Variants in PRELID2 observed in about 807,000 individuals in gnomAD.
PRELID2 encodes the protein PRELI domain containing 2.
A neutral mutation model predicts 28.4 loss-of-function variants in PRELID2; 25 were observed. The observed-to-expected ratio is 0.88, with a 90% CI of 0.64 to 1.23. The LOEUF (loss-of-function observed/expected upper bound fraction) is 1.23, where lower values mean the gene tolerates loss of function less well. Among genes scored for constraint, PRELID2 ranks in the 50% most tolerant of loss-of-function variants. The probability of loss-of-function intolerance (pLI) is 0.00; values close to 1 mark genes in which losing one functional copy is unlikely to be tolerated. For synonymous variants in PRELID2, 76 were observed against 71.6 expected, an observed-to-expected ratio of 1.06 and a Z score of -0.31; for missense variants, 201 against 214.4, an observed-to-expected ratio of 0.94 and a Z score of 0.39.
chr5:145,818,087 T>G, intron 3 of PRELID2, 33 bp from the exon 4 acceptor site: 8 of 1,604,138 alleles, frequency 5.0e-6, no homozygotes, highest in Non-Finnish European at 6.8e-6. Flanking sequence ...CTTTTTCAAT[T>G]TAGGAAGAGC....
At chr5:145,412,745 A>G in the PRELID2 span, among the ~76,000 whole-genome samples, 1 of 152,208 alleles carries the variant, frequency 6.6e-6, no homozygotes, top group Non-Finnish European at 1.5e-5. Flanking sequence ...TCAAACTGCT[A>G]TGAAGAAATA....
the PRELID2 span, among the ~76,000 whole-genome samples, chr5:145,394,967 G>A: frequency 1.3e-3 from 193 of 151,956 alleles, no homozygotes; most frequent in African/African-American, 2.0e-3. Flanking sequence ...CGTATTTTGG[G>A]TTTTCTCATC....
intron 1 of PRELID2, among the ~76,000 whole-genome samples, chr5:145,544,132 T>G (rs2126674818): frequency 6.6e-6 from 1 of 152,114 alleles, no homozygotes; most frequent in Admixed American, 6.6e-5. Context: ...GTCACACAGT[T>G]GTAGGCTGTA....
At chr5:145,556,399 T>C (rs2126687117) in intron 1 of PRELID2, among the ~76,000 whole-genome samples, 1 of 152,214 alleles carries the variant, frequency 6.6e-6, no homozygotes, top group South Asian at 2.1e-4. Context: ...TTTCACTCCC[T>C]CATCTCTCAC....
the PRELID2 span, among the ~76,000 whole-genome samples, chr5:145,361,616 G>T: frequency 3.2e-4 from 48 of 152,226 alleles, no homozygotes; most frequent in Non-Finnish European, 5.3e-4. Flanking sequence ...TCTGCAGAGG[G>T]CTATTTTTTA....
intron 1 of PRELID2, among the ~76,000 whole-genome samples, chr5:145,523,779 T>C (rs1354272108): frequency 1.3e-5 from 2 of 152,182 alleles, no homozygotes; most frequent in Non-Finnish European, 2.9e-5. Context: ...ACACAAATAT[T>C]CAACTCATAG....
chr5:145,813,892 T>C (rs1380585142), intron 4 of PRELID2, among the ~76,000 whole-genome samples: 2 of 152,304 alleles, frequency 1.3e-5, no homozygotes, highest in South Asian at 2.1e-4. Flanking sequence ...CTTTGCTCAA[T>C]CTACCTTAAA....
At chr5:145,575,851 T>C (rs1343947696) in intron 1 of PRELID2, among the ~76,000 whole-genome samples, 2 of 152,104 alleles carry the variant, frequency 1.3e-5, no homozygotes, top group Non-Finnish European at 2.9e-5. Flanking sequence ...CCAGCCCACC[T>C]TGCATCACTC....
chr5:145,535,973 G>T (rs1384866483), intron 1 of PRELID2, among the ~76,000 whole-genome samples: 1 of 151,834 alleles, frequency 6.6e-6, no homozygotes, highest in Non-Finnish European at 1.5e-5. Context: ...AATTTTAGGG[G>T]ATAAAATGGC....
At chr5:145,638,148 C>T (rs1754034034) in intron 1 of PRELID2, among the ~76,000 whole-genome samples, 1 of 152,188 alleles carries the variant, frequency 6.6e-6, no homozygotes, top group African/African-American at 2.4e-5. Context: ...TCAGTTTCCT[C>T]ATTGCTAGTA....
At chr5:145,325,514 T>C in the PRELID2 span, among the ~76,000 whole-genome samples, 1 of 152,188 alleles carries the variant, frequency 6.6e-6, no homozygotes, top group Non-Finnish European at 1.5e-5. Flanking sequence ...GCCTTAGAGT[T>C]TACAGAGTAT....
chr5:145,256,041 C>T, the PRELID2 span, among the ~76,000 whole-genome samples: 1 of 151,884 alleles, frequency 6.6e-6, no homozygotes, highest in Non-Finnish European at 1.5e-5. Flanking sequence ...GCTAAAACAA[C>T]ACAACTTACC....
At chr5:145,814,895 A>G (rs1035353391) in intron 4 of PRELID2, among the ~76,000 whole-genome samples, 4 of 152,330 alleles carry the variant, frequency 2.6e-5, no homozygotes, top group African/African-American at 9.6e-5. Flanking sequence ...GTTGTAAGGG[A>G]ATGAACACGC....
At chr5:145,357,293 G>T in the PRELID2 span, among the ~76,000 whole-genome samples, 2 of 152,114 alleles carry the variant, frequency 1.3e-5, no homozygotes, top group African/African-American at 4.8e-5. Context: ...CTCTAGTGAG[G>T]TTAAAGAAAT....
intron 5 of PRELID2, among the ~76,000 whole-genome samples, chr5:145,791,312 TTGGG>T (rs1752378309): frequency 6.6e-6 from 1 of 152,094 alleles, no homozygotes. Flanking sequence ...CACGTAAGAT[TTGGG>T]TGGGAACATA....
chr5:145,594,166 T>C (rs1449722510), intron 1 of PRELID2, among the ~76,000 whole-genome samples: 1 of 152,156 alleles, frequency 6.6e-6, no homozygotes, highest in Non-Finnish European at 1.5e-5. Flanking sequence ...TGATATTCTC[T>C]TGTATATGTT....
the PRELID2 span, among the ~76,000 whole-genome samples, chr5:145,374,475 A>G: frequency 2.0e-5 from 3 of 151,896 alleles, no homozygotes; most frequent in South Asian, 6.2e-4. Flanking sequence ...TGATCTTCTC[A>G]TGGAGTATCT....
Position 145,501,830 on chromosome 5 carries a change from T to A in PRELID2, n.71-28515A>T, listed in dbSNP as rs542418176. On this transcript the variant is annotated intron_variant and non_coding_transcript_variant, in intron 1 of 2. Coordinates refer to the PRELID2 transcript ENST00000510259. ...GCTCTCTGCCTCTTCTGAACTCCCATGAGATTCTATGTCCATAACCCTCTG... is the reference window on the plus strand; with the variant it reads ...GCTCTCTGCCTCTTCTGAACTCCCAAGAGATTCTATGTCCATAACCCTCTG... Among the ~76,000 whole-genome samples the A allele has an allele frequency of 1.2e-4, 18 of 152,156 alleles. No homozygotes were observed. In the East Asian group the frequency reaches 3.3e-3, roughly 28 times the overall value.
the PRELID2 span, among the ~76,000 whole-genome samples, chr5:145,464,053 CCCAATGACCT>C: frequency 6.6e-6 from 1 of 152,044 alleles, no homozygotes; most frequent in Non-Finnish European, 1.5e-5. Context: ...AGTCAAGTAC[CCCAATGACCT>C]CCAAAGGCCT....
Sources: allele counts gnomAD v4.1 joint callset (sites outside exome capture counted in the v4.1 genomes callset), GRCh38; gene constraint gnomAD v4.1.1; transcripts MANE v1.5; gene names NCBI Gene and HGNC (gene_info 2026-07-23, HGNC 2026-07-21).